The following NXPH2 variants were observed in gnomAD, a reference collection of about 807,000 sequenced individuals.
The protein encoded by NXPH2 is neurexophilin 2.
Under a neutral mutation model 19.8 loss-of-function variants are expected in NXPH2, and 5 were observed. That is an observed-to-expected ratio of 0.25 (90% CI 0.13 to 0.53). NXPH2 has a LOEUF of 0.53. NXPH2 is among the 20% of genes least tolerant of loss of function. NXPH2 has a pLI of 0.96. For synonymous variants in NXPH2, 154 were observed against 127.4 expected, an observed-to-expected ratio of 1.21 and a Z score of -1.41; for missense variants, 289 against 322.8, an observed-to-expected ratio of 0.90 and a Z score of 0.80.
At position 138,688,826 on chromosome 2, in the gene NXPH2, G is replaced by A. The variant is rs529234031; in HGVS notation, c.52-17161C>T. On this transcript the variant is annotated intron_variant, in intron 1 of 1. Coordinates refer to ENST00000272641, the MANE Select transcript of NXPH2 (RefSeq NM_007226.3). Reference sequence around the variant, plus strand: ...CATCCTGATAGACTTGGTCACCACCGCCCCCCCAACCCCCGGCCGAAACTG... The same window carrying A: ...CATCCTGATAGACTTGGTCACCACCACCCCCCCAACCCCCGGCCGAAACTG... Among the ~76,000 whole-genome samples, 68 of 151,858 alleles carry A rather than the reference G, an allele frequency of 4.5e-4. 2 individuals are homozygous for A. The South Asian group carries it at 0.01, about 23-fold the overall frequency.
chr2:138,764,700 C>G (rs1573982710), intron 1 of NXPH2, among the ~76,000 whole-genome samples: 2 of 152,206 alleles, frequency 1.3e-5, no homozygotes, highest in African/African-American at 4.8e-5. Flanking sequence ...AAGAAAACCT[C>G]AAGAAAATGA....
At chr2:138,752,627 A>G (rs1681843676) in intron 1 of NXPH2, among the ~76,000 whole-genome samples, 2 of 152,158 alleles carry the variant, frequency 1.3e-5, no homozygotes, top group African/African-American at 4.8e-5. Flanking sequence ...TTATGAACTG[A>G]AGCCCATACT....
intron 1 of NXPH2, among the ~76,000 whole-genome samples, chr2:138,737,440 A>C (rs897806038): frequency 2.6e-5 from 4 of 152,172 alleles, no homozygotes; most frequent in Non-Finnish European, 2.9e-5. Flanking sequence ...GTATGAAAGA[A>C]ACTGCACCCA....
chr2:138,675,845 G>A (rs1348932369), intron 1 of NXPH2, among the ~76,000 whole-genome samples: 1 of 152,036 alleles, frequency 6.6e-6, no homozygotes, highest in Non-Finnish European at 1.5e-5. Flanking sequence ...ATTAGTCAAT[G>A]TAATAAAAAG....
At chr2:138,687,814 G>A (rs1367673296) in intron 1 of NXPH2, among the ~76,000 whole-genome samples, 2 of 152,096 alleles carry the variant, frequency 1.3e-5, no homozygotes, top group African/African-American at 4.8e-5. Context: ...CTTATTTCTT[G>A]TTTTTGTCAG....
intron 1 of NXPH2, among the ~76,000 whole-genome samples, chr2:138,700,466 A>G (rs1267729768): frequency 1.3e-5 from 2 of 152,214 alleles, no homozygotes; most frequent in Non-Finnish European, 2.9e-5. Flanking sequence ...TGATACCATT[A>G]ATTTCTGAAA....
intron 1 of NXPH2, among the ~76,000 whole-genome samples, chr2:138,717,670 C>T (rs926356530): frequency 3.3e-5 from 5 of 151,980 alleles, no homozygotes; most frequent in Non-Finnish European, 7.4e-5. Context: ...CAGACCAGAG[C>T]AGCAACCTGT....
rs1681587669 is a variant in NXPH2 at position 138,738,470 on chromosome 2, A to G, written c.51+41721T>C. ...ATCTTTATCTAGCCTTTAGAGATAT[A>G]TCTATTACATCAATCCATTAGGATA... On this transcript the variant is annotated intron_variant, in intron 1 of 1. Transcript: ENST00000272641. Among the ~76,000 whole-genome samples, 2 of 152,214 alleles carry G rather than the reference A, an allele frequency of 1.3e-5. 1 individual carries two copies. The highest frequency in any genetic ancestry group is 1.3e-4 in the Admixed American group (2 of 15,280).
chr2:138,724,557 T>A (rs1016375725), intron 1 of NXPH2, among the ~76,000 whole-genome samples: 1 of 152,218 alleles, frequency 6.6e-6, no homozygotes, highest in Non-Finnish European at 1.5e-5. Flanking sequence ...TGCCTGTTCT[T>A]TTCATCCTAA....
chr2:138,685,575 C>T (rs903246426), intron 1 of NXPH2, among the ~76,000 whole-genome samples: 1 of 152,170 alleles, frequency 6.6e-6, no homozygotes, highest in Non-Finnish European at 1.5e-5. Flanking sequence ...GCCTAATCTA[C>T]CTTAAATGTG....
intron 1 of NXPH2, among the ~76,000 whole-genome samples, chr2:138,678,249 G>T (rs1680516761): frequency 1.3e-5 from 2 of 152,118 alleles, no homozygotes; most frequent in South Asian, 4.1e-4. Context: ...TAGGGTTAGG[G>T]GTTTTGAGGA....
At chr2:138,684,791 T>G (rs975838023) in intron 1 of NXPH2, among the ~76,000 whole-genome samples, 1 of 152,160 alleles carries the variant, frequency 6.6e-6, no homozygotes, top group Non-Finnish European at 1.5e-5. Flanking sequence ...AGAGTCCCCT[T>G]TACATCCATG....
intron 1 of NXPH2, among the ~76,000 whole-genome samples, chr2:138,751,148 A>C (rs1460304213): frequency 1.3e-5 from 2 of 151,810 alleles, no homozygotes; most frequent in Non-Finnish European, 2.9e-5. Flanking sequence ...TATGCTCATG[A>C]GAGCAAGTAA....
chr2:138,743,002 T>C lies in NXPH2; in HGVS notation c.51+37189A>G, dbSNP rs948266559. Among the ~76,000 whole-genome samples the C allele has an allele frequency of 7.9e-5, 12 of 152,214 alleles. 1 individual carries two copies. Among genetic ancestry groups the C allele is most frequent in the Non-Finnish European group, 1.6e-4 (11 of 68,040 alleles). On this transcript the variant is annotated intron_variant, in intron 1 of 1. Transcript: ENST00000272641. The stretch of plus-strand genomic sequence containing the variant: ...TAAATCCATGTGTATTAGTATAATT[T>C]AGTGAGATCATTTCTTATATACAGG...
chr2:138,767,593 A>G (rs1455192012), intron 1 of NXPH2, among the ~76,000 whole-genome samples: 1 of 151,812 alleles, frequency 6.6e-6, no homozygotes, highest in Non-Finnish European at 1.5e-5. Context: ...TTCATATTTG[A>G]TTGATAATTT....
chr2:138,710,738 T>C (rs1681093006), intron 1 of NXPH2, among the ~76,000 whole-genome samples: 1 of 152,192 alleles, frequency 6.6e-6, no homozygotes, highest in African/African-American at 2.4e-5. Flanking sequence ...AGACTTCTGT[T>C]TCTATGCTCT....
intron 1 of NXPH2, among the ~76,000 whole-genome samples, chr2:138,676,307 C>G (rs1416325092): frequency 6.6e-6 from 1 of 152,194 alleles, no homozygotes; most frequent in Non-Finnish European, 1.5e-5. Flanking sequence ...CAGCCTTCCT[C>G]TTGTTATTAA....
At chr2:138,708,398 A>G (rs1681049662) in intron 1 of NXPH2, among the ~76,000 whole-genome samples, 1 of 152,234 alleles carries the variant, frequency 6.6e-6, no homozygotes, top group Non-Finnish European at 1.5e-5. Context: ...TTAATATTGC[A>G]AAGGACTGTA....
At chr2:138,694,987 G>A (rs967481513) in intron 1 of NXPH2, among the ~76,000 whole-genome samples, 5 of 152,066 alleles carry the variant, frequency 3.3e-5, no homozygotes, top group African/African-American at 9.7e-5. Context: ...TACTGAATAC[G>A]GTAGGCAATT....
Sources: gnomAD v4.1 joint callset for allele counts (sites outside exome capture counted in the v4.1 genomes callset) on GRCh38, gnomAD v4.1.1 for gene constraint, MANE v1.5 for transcripts, NCBI Gene and HGNC (gene_info 2026-07-23, HGNC 2026-07-21) for gene names.